ERI1: variants seen among roughly 807,000 people sequenced by gnomAD.
The protein encoded by ERI1 is exoribonuclease 1.
In ERI1, 39 loss-of-function variants were observed where a neutral mutation model predicts 39.7. The observed-to-expected ratio is 0.98, with a 90% confidence interval of 0.76 to 1.28. ERI1 has a LOEUF of 1.28. Ranked by LOEUF, ERI1 falls within the 50% of genes most tolerant of loss-of-function variation. The pLI is 0.00. For missense variants in ERI1, 581 were observed against 416.9 expected, an observed-to-expected ratio of 1.39 and a Z score of -3.43; for synonymous variants, 204 against 149.6, an observed-to-expected ratio of 1.36 and a Z score of -2.65.
intron 3 of ERI1, among the ~76,000 whole-genome samples, chr8:9,093,282 G>T (rs930976145): frequency 1.3e-5 from 2 of 152,158 alleles, no homozygotes; most frequent in African/African-American, 4.8e-5. Flanking sequence ...TTTTAAGAAA[G>T]TTTATGAATC....
rs538904189 is a variant in ERI1 at position 9,010,815 on chromosome 8, C to T, written c.288-727C>T. On this transcript the variant is annotated intron_variant, in intron 2 of 6. Transcript: ENST00000250263. ...CTGTTAGGATGACCTTTCTCTCCTC[C>T]CCACTACTCCATTTGTGGAATGTAT... Among the ~76,000 whole-genome samples, 3 of 152,224 alleles carry T rather than the reference C, an allele frequency of 2.0e-5. No individual in the cohort carries two copies. The East Asian group carries it at 5.8e-4, about 29-fold the overall frequency.
chr8:9,008,250 A>G, intron 2 of ERI1, 102 bp downstream of exon 2: 2 of 1,035,920 alleles, frequency 1.9e-6, no homozygotes, highest in East Asian at 2.7e-5. Flanking sequence ...TCCTACCGTA[A>G]TGACATGATC....
chr8:9,059,089 G>A (rs1055588913), intron 3 of ERI1, among the ~76,000 whole-genome samples: 7 of 152,044 alleles, frequency 4.6e-5, no homozygotes, highest in Non-Finnish European at 7.4e-5. Context: ...GTTCTCTGGC[G>A]GGCAGGAGTG....
chr8:9,047,581 C>T (rs1000088594), intron 3 of ERI1, among the ~76,000 whole-genome samples: 1 of 151,974 alleles, frequency 6.6e-6, no homozygotes, highest in African/African-American at 2.4e-5. Flanking sequence ...TATCTGCAGT[C>T]CCAGCTACTC....
chr8:9,086,469 G>A (rs543444129), intron 3 of ERI1, among the ~76,000 whole-genome samples: 34 of 152,168 alleles, frequency 2.2e-4, no homozygotes, highest in African/African-American at 7.5e-4. Context: ...AGGATCTCTT[G>A]AGCCAGGGAG....
intron 3 of ERI1, among the ~76,000 whole-genome samples, chr8:9,043,577 G>A (rs747704497): frequency 5.3e-5 from 8 of 152,156 alleles, no homozygotes; most frequent in Non-Finnish European, 1.0e-4. Flanking sequence ...ACTCACTTTG[G>A]TAGAAACTTT....
At chr8:9,047,287 A>C (rs1291040741) in intron 3 of ERI1, among the ~76,000 whole-genome samples, 1 of 152,166 alleles carries the variant, frequency 6.6e-6, no homozygotes, top group Non-Finnish European at 1.5e-5. Context: ...TGGTGAGCTC[A>C]GCTAGTGGTG....
chr8:9,040,262 A>T (rs1180163792), intron 3 of ERI1, among the ~76,000 whole-genome samples: 4 of 152,180 alleles, frequency 2.6e-5, no homozygotes, highest in Admixed American at 1.3e-4. Context: ...ACATATTCAC[A>T]TTTTGAATAT....
downstream of ERI1, among the ~76,000 whole-genome samples, chr8:9,033,808 T>C (rs1249081519): frequency 6.6e-6 from 1 of 152,228 alleles, no homozygotes. Flanking sequence ...GACTTTGGCT[T>C]AACCTGATAT....
At chr8:9,050,507 CAAA>C (rs35279058) in intron 3 of ERI1, among the ~76,000 whole-genome samples, 20,335 of 141,652 alleles carry the variant, frequency 0.14, 1,519 homozygotes, top group Middle Eastern at 0.18. Flanking sequence ...AACTCCATCT[CAAA>C]AAAAAAAAAA....
At position 9,043,077 on chromosome 8, in the gene ERI1, C is replaced by T. The variant is rs528468154; in HGVS notation, n.299+22613C>T. ...TCTACTCTTACGTCTAAGGGCATCT[C>T]TTTAGGTTTCTGGCCTTGGAACCAT... On this transcript the variant is annotated intron_variant and non_coding_transcript_variant, in intron 3 of 3. Transcript: ENST00000518663. Among the ~76,000 whole-genome samples, 126 of 152,332 alleles carry T rather than the reference C, an allele frequency of 8.3e-4. 1 individual carries two copies. Among genetic ancestry groups the T allele is most frequent in the South Asian group, 2.9e-3 (14 of 4,824 alleles).
chr8:9,011,821 A>G (rs986515491), intron 3 of ERI1, 69 bp downstream of exon 3: 6 of 1,197,632 alleles, frequency 5.0e-6, no homozygotes, highest in Non-Finnish European at 6.9e-6. Flanking sequence ...GGTTATGTGG[A>G]GGACCTCATT....
downstream of ERI1, among the ~76,000 whole-genome samples, chr8:9,037,258 C>T (rs1797881960): frequency 1.3e-5 from 2 of 152,110 alleles, no homozygotes; most frequent in Admixed American, 6.6e-5. Flanking sequence ...ATAGTTACTC[C>T]CCTCACCATC....
chr8:9,083,517 T>A (rs910900370), intron 3 of ERI1, among the ~76,000 whole-genome samples: 2 of 152,164 alleles, frequency 1.3e-5, no homozygotes, highest in East Asian at 1.9e-4. Flanking sequence ...ATGAACCACC[T>A]TGTACTCAGT....
intron 3 of ERI1, among the ~76,000 whole-genome samples, chr8:9,070,250 A>G (rs1486668479): frequency 2.0e-5 from 3 of 152,130 alleles, no homozygotes; most frequent in Admixed American, 2.0e-4. Flanking sequence ...AAAAAAAACA[A>G]AACACCAAAC....
chr8:9,055,949 T>C (rs997504548), intron 3 of ERI1, among the ~76,000 whole-genome samples: 2 of 151,898 alleles, frequency 1.3e-5, no homozygotes, highest in Non-Finnish European at 2.9e-5. Flanking sequence ...CAGGGAAAAA[T>C]GAGGGGCAAG....
intron 6 of ERI1, among the ~76,000 whole-genome samples, chr8:9,027,207 G>C (rs991782874): frequency 6.6e-6 from 1 of 151,340 alleles, no homozygotes; most frequent in East Asian, 1.9e-4. Context: ...GTGTGAAGTG[G>C]TATCTCATTG....
At chr8:9,090,057 T>C (rs543973425) in intron 3 of ERI1, among the ~76,000 whole-genome samples, 3 of 152,348 alleles carry the variant, frequency 2.0e-5, no homozygotes, top group South Asian at 4.1e-4. Flanking sequence ...CATTGTGCCA[T>C]GTTTCCAATC....
downstream of ERI1, among the ~76,000 whole-genome samples, chr8:9,034,527 G>A (rs1241137159): frequency 6.6e-6 from 1 of 152,134 alleles, no homozygotes; most frequent in East Asian, 1.9e-4. Context: ...TTTGTAATCA[G>A]TGACTTTTGA....
Sources: gnomAD v4.1 joint callset for allele counts (sites outside exome capture counted in the v4.1 genomes callset) on GRCh38, gnomAD v4.1.1 for gene constraint, MANE v1.5 for transcripts, NCBI Gene and HGNC (gene_info 2026-07-23, HGNC 2026-07-21) for gene names.